CAMSAP2: variants seen among roughly 807,000 people sequenced by gnomAD.
CAMSAP2 encodes the protein calmodulin regulated spectrin associated protein family member 2.
A neutral mutation model predicts 146.1 loss-of-function variants in CAMSAP2; 26 were observed. The ratio of observed to expected loss-of-function variants is 0.18; its 90% CI spans 0.13 to 0.25. CAMSAP2 has a LOEUF of 0.25. Ranked by LOEUF, CAMSAP2 falls within the 10% of genes least tolerant of loss-of-function variation. The pLI, the probability that CAMSAP2 is intolerant of heterozygous loss-of-function variation, is 1.00. For synonymous variants in CAMSAP2, 499 were observed against 596.6 expected (o/e 0.84, Z 2.38); for missense variants, 1,381 against 1,759.3 (o/e 0.78, Z 3.85).
chr1:200,752,172 C>T (rs1171303324), intron 1 of CAMSAP2, among the ~76,000 whole-genome samples: 1 of 151,912 alleles, frequency 6.6e-6, no homozygotes, highest in Non-Finnish European at 1.5e-5. Flanking sequence ...TAAAAATGAC[C>T]ATAGAGTTCT....
intron 1 of CAMSAP2, among the ~76,000 whole-genome samples, chr1:200,754,356 C>G (rs540374495): frequency 6.6e-6 from 1 of 152,052 alleles, no homozygotes; most frequent in Non-Finnish European, 1.5e-5. Flanking sequence ...ATCACCTGGT[C>G]AAAGTGGTAT....
At chr1:200,752,878 A>G (rs887664017) in intron 1 of CAMSAP2, among the ~76,000 whole-genome samples, 1 of 151,882 alleles carries the variant, frequency 6.6e-6, no homozygotes, top group Admixed American at 6.6e-5. Context: ...CGGCCTCTCA[A>G]AGTGCTGGGA....
chr1:200,844,950 A>T (rs1667422564), intron 8 of CAMSAP2, 81 bp downstream of exon 8: 1 of 691,856 alleles, frequency 1.4e-6, no homozygotes, highest in Admixed American at 3.7e-5. Context: ...TACATTAAAT[A>T]AGGTTTTTAA....
At chr1:200,833,182 T>G (rs1432432153) in intron 6 of CAMSAP2, among the ~76,000 whole-genome samples, 2 of 152,230 alleles carry the variant, frequency 1.3e-5, no homozygotes, top group Non-Finnish European at 2.9e-5. Flanking sequence ...TTGAAGAAAG[T>G]TTTTAATTTT....
rs142288730 is a variant in CAMSAP2, at chr1:200,836,131, G to T, written c.927+3286G>T. On this transcript the variant is annotated intron_variant, in intron 6 of 16. Coordinates refer to ENST00000358823, the MANE Select transcript of CAMSAP2 (RefSeq NM_203459.4). ...TTTAAACTTTTAGCTTAAGCTCAAG[G>T]GTACATATGCAGGTTTGTTACATAG... Among the ~76,000 whole-genome samples the T allele has an allele frequency of 2.8e-4, 42 of 151,772 alleles. No homozygotes were observed. In the East Asian group the frequency reaches 6.6e-3, roughly 24 times the overall value.
In CAMSAP2 at chr1:200,848,669, G is replaced by C; in HGVS notation, c.1900G>C (p.Val634Leu). Reference sequence around the variant, plus strand: ...AGATTCTTCGTTGAGAGATTATACTGTAAGCTTGGACTCTGACATGGATGA... The same window carrying C: ...AGATTCTTCGTTGAGAGATTATACTCTAAGCTTGGACTCTGACATGGATGA... Reference protein sequence around the residue: ...DEDSSLRDYTVSLDSDMDDAS... With the variant: ...DEDSSLRDYTLSLDSDMDDAS... Residue 634 changes from valine to leucine, a missense_variant, in exon 11 of 17, where the codon GTA becomes CTA. This residue lies in a region of CAMSAP2 where 447 missense variants were observed against 462.2 expected (regional missense o/e 0.97). Transcript: ENST00000358823. The C allele has an allele frequency of 6.2e-7, 1 of 1,614,130 alleles. No individual in the cohort carries two copies. The highest frequency in any genetic ancestry group is 8.5e-7 in the Non-Finnish European group (1 of 1,179,994).
intron 4 of CAMSAP2, among the ~76,000 whole-genome samples, chr1:200,822,103 T>C (rs1666784030): frequency 6.6e-6 from 1 of 150,736 alleles, no homozygotes; most frequent in African/African-American, 2.4e-5. Context: ...AAATTTCCTT[T>C]ATCATTCTGT....
chr1:200,850,544 G>T (rs938304886), intron 11 of CAMSAP2, among the ~76,000 whole-genome samples: 1 of 152,060 alleles, frequency 6.6e-6, no homozygotes, highest in African/African-American at 2.4e-5. Flanking sequence ...ATTCCATTTT[G>T]TCTCTTAATC....
chr1:200,751,141 G>C (rs1017690452), intron 1 of CAMSAP2, among the ~76,000 whole-genome samples: 1 of 151,728 alleles, frequency 6.6e-6, no homozygotes, highest in Non-Finnish European at 1.5e-5. Context: ...GACCTCAAGT[G>C]ATCTGCCTGC....
rs560416774 is a variant in CAMSAP2, at chr1:200,787,837, C to T, written c.400-19539C>T. ...CTCCTTCAGCAATCACCACTCTGAT[C>T]GAACAACATGGAACCAAGACCCTCC... On this transcript the variant is annotated intron_variant, in intron 2 of 16. Coordinates refer to ENST00000358823, the MANE Select transcript of CAMSAP2 (RefSeq NM_203459.4). 3.3e-5 allele frequency among the ~76,000 whole-genome samples: 5 copies of T among 152,268 alleles called. No homozygotes were observed. The South Asian group carries it at 8.3e-4, about 25-fold the overall frequency.
chr1:200,757,674 A>G (rs1207664465), intron 1 of CAMSAP2, among the ~76,000 whole-genome samples: 1 of 152,162 alleles, frequency 6.6e-6, no homozygotes, highest in African/African-American at 2.4e-5. Context: ...TGATAGACAC[A>G]TTTGAAGTCT....
intron 2 of CAMSAP2, among the ~76,000 whole-genome samples, chr1:200,793,122 C>A (rs1480268876): frequency 1.4e-5 from 2 of 143,314 alleles, no homozygotes; most frequent in Non-Finnish European, 3.0e-5. Context: ...TACATTATCT[C>A]TGTAGTGGAC....
chr1:200,816,162 C>T (rs1000319349), intron 4 of CAMSAP2, among the ~76,000 whole-genome samples: 7 of 151,948 alleles, frequency 4.6e-5, no homozygotes, highest in African/African-American at 7.3e-5. Context: ...GGCATAGTGG[C>T]GTGTACCTGT....
rs1331311844 is a variant in CAMSAP2, at chr1:200,860,235, TTA to T, written c.*2178_*2179del. The T allele has an allele frequency of 6.5e-6, 1 of 152,690 alleles. No homozygotes were observed. The highest frequency in any genetic ancestry group is 1.5e-5 in the Non-Finnish European group (1 of 68,002). The allele number at this position is 152,690 out of a possible 1,614,324, so 9.5% of individuals were successfully genotyped here. ...TTATTATGGTGCAGCTTTTTTTTAATTATGTTTTTAAAATTATACAGTTGAAA... is the reference window on the plus strand; with the variant it reads ...TTATTATGGTGCAGCTTTTTTTTAATTGTTTTTAAAATTATACAGTTGAAA... On this transcript the variant is annotated 3_prime_UTR_variant, in exon 17 of 17. Transcript: ENST00000358823.
chr1:200,847,115 G>C lies in CAMSAP2; in HGVS notation c.1110-95G>C, dbSNP rs187436846. 7.8e-4 allele frequency: 622 copies of C among 799,982 alleles called. 1 individual carries two copies. The African/African-American group carries it at 9.2e-3, about 12-fold the overall frequency. The allele number at this position is 799,982 out of a possible 1,614,324, so 49.6% of individuals were successfully genotyped here. Reference sequence around the variant, plus strand: ...ATTTTTAAAATTTAGGTTGTAGAATGAGAGGTGGTAGTGTTGTTTCTAACT... The same window carrying C: ...ATTTTTAAAATTTAGGTTGTAGAATCAGAGGTGGTAGTGTTGTTTCTAACT... On this transcript the variant is annotated intron_variant, in intron 8 of 16. Transcript: ENST00000358823.
chr1:200,785,592 G>A (rs1281429963), intron 2 of CAMSAP2, among the ~76,000 whole-genome samples: 1 of 152,120 alleles, frequency 6.6e-6, no homozygotes, highest in African/African-American at 2.4e-5. Context: ...GTTTCGCCAT[G>A]TTTGCCAGGC....
chr1:200,762,884 G>A (rs1274677210), intron 2 of CAMSAP2, among the ~76,000 whole-genome samples: 1 of 152,030 alleles, frequency 6.6e-6, no homozygotes, highest in East Asian at 1.9e-4. Flanking sequence ...TTAAGGAATG[G>A]AGTTTAAATG....
At chr1:200,830,318 TGTGC>T (rs891054587) in intron 4 of CAMSAP2, among the ~76,000 whole-genome samples, 3 of 152,270 alleles carry the variant, frequency 2.0e-5, no homozygotes, top group Non-Finnish European at 4.4e-5. Context: ...TGTGTGTGTG[TGTGC>T]ACGTGCACAT....
chr1:200,793,921 A>G (rs1443315163), intron 2 of CAMSAP2, among the ~76,000 whole-genome samples: 1 of 152,206 alleles, frequency 6.6e-6, no homozygotes, highest in Admixed American at 6.6e-5. Context: ...AGCTGCCCAC[A>G]ATTAACCTAG....
Sources: gnomAD v4.1 joint callset for allele counts (sites outside exome capture counted in the v4.1 genomes callset) on GRCh38, gnomAD v4.1.1 for gene constraint, gnomAD v4.1.1 regional missense constraint, MANE v1.5 for transcripts, NCBI Gene and HGNC (gene_info 2026-07-23, HGNC 2026-07-21) for gene names.